The following JAKMIP1 variants were observed in gnomAD, a reference collection of about 807,000 sequenced individuals.
The protein encoded by JAKMIP1 is janus kinase and microtubule interacting protein 1, also known as janus kinase and microtubule-interacting protein 1.
In JAKMIP1, 33 loss-of-function variants were observed where a neutral mutation model predicts 113.0. The observed-to-expected ratio is 0.29, with a 90% CI of 0.22 to 0.39. The LOEUF is 0.39. Among genes scored for constraint, JAKMIP1 ranks in the 10% least tolerant of loss-of-function variants. The pLI, the probability that JAKMIP1 is intolerant of heterozygous loss-of-function variation, is 1.00. For missense variants in JAKMIP1, 813 were observed against 1,080.5 expected, an observed-to-expected ratio of 0.75 and a Z score of 3.47; for synonymous variants, 480 against 459.9, an observed-to-expected ratio of 1.04 and a Z score of -0.56.
chr4:6,108,800 G>A lies in JAKMIP1; in HGVS notation c.130-2833C>T, dbSNP rs1714391069. Among the ~76,000 whole-genome samples, 1 of 152,232 alleles carries A rather than the reference G, an allele frequency of 6.6e-6. No individual in the cohort carries two copies. Among genetic ancestry groups the A allele is most frequent in the Non-Finnish European group, 1.5e-5 (1 of 68,044 alleles). ...GGAGTAAGAGGTTACAGACAAGCAA[G>A]AGGAGGCTGAAGGGAGCCATGCGGC... is the stretch of plus-strand genomic sequence containing the variant. On this transcript the variant is annotated intron_variant, in intron 2 of 20. Coordinates refer to ENST00000409021, the MANE Select transcript of JAKMIP1 (RefSeq NM_001099433.2). This position sits in a 1 kb window ranked among gnomAD's most constrained non-coding sequence, Gnocchi z 5.6.
At chr4:6,047,361 T>C (rs1446957572) in intron 16 of JAKMIP1, among the ~76,000 whole-genome samples, 2 of 152,256 alleles carry the variant, frequency 1.3e-5, no homozygotes, top group African/African-American at 2.4e-5. Flanking sequence ...TTTGTGTGAC[T>C]ACACGGAGCA....
Position 6,030,236 on chromosome 4 carries a change from G to A in JAKMIP1, c.2380-455C>T, listed in dbSNP as rs548971562. On this transcript the variant is annotated intron_variant, in intron 19 of 20. Transcript: ENST00000409021. ...CTAAGATTTGTTTAACTGCAGCCTG[G>A]GGGATGGGGGGAGGGAGGGAGAAGG... is the stretch of plus-strand genomic sequence containing the variant. Among the ~76,000 whole-genome samples the A allele has an allele frequency of 1.8e-4, 27 of 152,206 alleles. 1 individual carries two copies. The highest frequency in any genetic ancestry group is 8.3e-4 in the South Asian group (4 of 4,812).
chr4:6,190,492 G>A (rs956246375), intron 1 of JAKMIP1, among the ~76,000 whole-genome samples: 1 of 152,096 alleles, frequency 6.6e-6, no homozygotes, highest in African/African-American at 2.4e-5. Flanking sequence ...GGCTGAACCC[G>A]CCACTGCCAT....
rs536570748 is a variant in JAKMIP1, at chr4:6,200,146, C to T, written c.-148+107G>A. ...GGAGATGGACGATGGGGCGGGGCGG[C>T]ACCGGTCGCCGCGTCCCTTGCCGCC... On this transcript the variant is annotated intron_variant, in intron 1 of 20. Transcript: ENST00000409021. The surrounding 1 kb of genome is among the most constrained non-coding windows in gnomAD (Gnocchi z 7.0). 6.6e-6 allele frequency: 1 copy of T among 151,654 alleles called. No homozygotes were observed. The highest frequency in any genetic ancestry group is 2.1e-4 in the South Asian group (1 of 4,814). 9.4% of individuals were successfully genotyped at this position (151,654 alleles called of 1,614,324 possible). A position where few individuals can be genotyped will look rare whatever the true frequency, so the allele number is the denominator to read the frequency against.
rs12646356 is a variant in JAKMIP1 at position 6,086,358 on chromosome 4, T to C, written c.625-729A>G. 0.29 allele frequency among the ~76,000 whole-genome samples: 44,134 copies of C among 151,542 alleles called. 7,050 individuals carry two copies. The highest frequency in any genetic ancestry group is 0.45 in the East Asian group (2,279 of 5,076). On this transcript the variant is annotated intron_variant, in intron 3 of 20. Coordinates refer to ENST00000409021, the MANE Select transcript of JAKMIP1 (RefSeq NM_001099433.2). This position sits in a 1 kb window ranked among gnomAD's most constrained non-coding sequence, Gnocchi z 4.1. ...ACATATGCAGCAGATCTTAAACACATGCCTCAGCCCTGGCTTCTCTCTGAG... is the reference window on the plus strand; with the variant it reads ...ACATATGCAGCAGATCTTAAACACACGCCTCAGCCCTGGCTTCTCTCTGAG...
chr4:6,106,760 T>G lies in JAKMIP1; in HGVS notation c.130-793A>C, dbSNP rs1371409009. ...TGTTCTTAAAACACTTCAAAATGCT[T>G]TCTTTAACCTTTTTGTTTCAAATAT... On this transcript the variant is annotated intron_variant, in intron 2 of 20. Transcript: ENST00000409021. The surrounding 1 kb of genome is among the most constrained non-coding windows in gnomAD (Gnocchi z 5.9). Among the ~76,000 whole-genome samples the G allele has an allele frequency of 6.6e-6, 1 of 152,134 alleles. No individual in the cohort carries two copies. The highest frequency in any genetic ancestry group is 1.9e-4 in the East Asian group (1 of 5,190).
chr4:6,051,685 A>G lies in JAKMIP1; in HGVS notation c.1807-1006T>C, dbSNP rs1268351149. On this transcript the variant is annotated intron_variant, in intron 13 of 20. Coordinates refer to ENST00000409021, the MANE Select transcript of JAKMIP1 (RefSeq NM_001099433.2). This position sits in a 1 kb window ranked among gnomAD's most constrained non-coding sequence, Gnocchi z 5.0. ...TCAATTAATTACTAAGGGAGGAAGA[A>G]GAGCAAGCCTTTTCCCAGAAGAGGT... Among the ~76,000 whole-genome samples, 3 of 152,248 alleles carry G rather than the reference A, an allele frequency of 2.0e-5. No individual in the cohort carries two copies. Among genetic ancestry groups the G allele is most frequent in the Non-Finnish European group, 4.4e-5 (3 of 68,046 alleles).
At chr4:6,068,066 C>T (rs1406041333) in intron 8 of JAKMIP1, among the ~76,000 whole-genome samples, 7 of 152,316 alleles carry the variant, frequency 4.6e-5, no homozygotes, top group South Asian at 2.1e-4. Context: ...CTGGGGGCAA[C>T]GACTCAATGC....
Position 6,101,749 on chromosome 4 carries a change from A to T in JAKMIP1, c.624+3724T>A, listed in dbSNP as rs1239981798. 2.0e-5 allele frequency among the ~76,000 whole-genome samples: 3 copies of T among 149,706 alleles called. No homozygotes were observed. In the East Asian group the frequency reaches 5.8e-4, roughly 29 times the overall value. ...TAAAAATACAAAAAAAAAAAAAAAA[A>T]AAAAAAATTAGCCGGGCATGGTGGC... On this transcript the variant is annotated intron_variant, in intron 3 of 20. Transcript: ENST00000409021.
rs1243965366 is a variant in JAKMIP1 at position 6,138,425 on chromosome 4, T to C, written c.-147-25428A>G. 6.6e-6 allele frequency among the ~76,000 whole-genome samples: 1 copy of C among 151,946 alleles called. No individual in the cohort carries two copies. The highest frequency in any genetic ancestry group is 1.5e-5 in the Non-Finnish European group (1 of 67,988). On this transcript the variant is annotated intron_variant, in intron 1 of 20. Coordinates refer to ENST00000409021, the MANE Select transcript of JAKMIP1 (RefSeq NM_001099433.2). The surrounding 1 kb of genome is among the most constrained non-coding windows in gnomAD (Gnocchi z 6.0). Reference sequence around the variant, plus strand: ...CTCATTTTTGTATTTTTAGTAGAGATGGGGTTTCGCCATGTTGACCAGGCT... The same window carrying C: ...CTCATTTTTGTATTTTTAGTAGAGACGGGGTTTCGCCATGTTGACCAGGCT...
chr4:6,134,656 C>T (rs1718977174), intron 1 of JAKMIP1, among the ~76,000 whole-genome samples: 1 of 152,228 alleles, frequency 6.6e-6, no homozygotes, highest in Non-Finnish European at 1.5e-5. Flanking sequence ...CCATGACAGC[C>T]AGGCCTGTTG....
intron 2 of JAKMIP1, among the ~76,000 whole-genome samples, chr4:6,109,029 T>C (rs1365948976): frequency 1.3e-5 from 2 of 151,980 alleles, no homozygotes; most frequent in East Asian, 3.9e-4. Context: ...TCTTTGTTTC[T>C]AATGCCATTC....
chr4:6,169,622 T>C (rs1032507055), intron 1 of JAKMIP1, among the ~76,000 whole-genome samples: 22 of 151,732 alleles, frequency 1.4e-4, no homozygotes, highest in Non-Finnish European at 2.7e-4. Context: ...TGTGTGTGTG[T>C]GTGTGTGTGT....
In JAKMIP1 at chr4:6,167,668, T is replaced by C. The variant is rs2109013818; in HGVS notation, c.-148+32585A>G. Among the ~76,000 whole-genome samples, 1 of 152,318 alleles carries C rather than the reference T, an allele frequency of 6.6e-6. No homozygotes were observed. Among genetic ancestry groups the C allele is most frequent in the African/African-American group, 2.4e-5 (1 of 41,572 alleles). On this transcript the variant is annotated intron_variant, in intron 1 of 20. Transcript: ENST00000409021. The surrounding 1 kb of genome is among the most constrained non-coding windows in gnomAD (Gnocchi z 5.3). ...CCACAGACTTCCATGGGCCGGGCACTGAGCTTAGAGTGACACGTGTCAGCT... is the reference window on the plus strand; with the variant it reads ...CCACAGACTTCCATGGGCCGGGCACCGAGCTTAGAGTGACACGTGTCAGCT...
chr4:6,053,876 A>G, intron 13 of JAKMIP1, 174 bp downstream of exon 13: 1 of 1,508,264 alleles, frequency 6.6e-7, no homozygotes, highest in Non-Finnish European at 8.8e-7. Context: ...AAGGCAGTGA[A>G]ATTATTCTGA....
At position 6,042,203 on chromosome 4, in the gene JAKMIP1, C is replaced by T. The variant is rs1452430143; in HGVS notation, c.2053G>A (p.Glu685Lys). 6.2e-6 allele frequency: 10 copies of T among 1,613,882 alleles called. No individual in the cohort carries two copies. Among genetic ancestry groups the T allele is most frequent in the Admixed American group, 1.7e-5 (1 of 60,012 alleles). Residue 685 changes from glutamate to lysine, a missense_variant, in exon 17 of 21, where the codon GAG becomes AAG. By Grantham distance (56) the Glu-to-Lys change is moderately conservative (BLOSUM62 1). Coordinates refer to ENST00000409021, the MANE Select transcript of JAKMIP1 (RefSeq NM_001099433.2). This position sits in a 1 kb window ranked among gnomAD's most constrained non-coding sequence, Gnocchi z 5.2. ...AGCATCTTCTGGGTCAGGGCGGCCT[C>T]GGTCCCCTCTATTTGCTTCAGCCAC... ...EKWLKQIEGTEAALTQKMLDL... is the reference protein window; with the variant it reads ...EKWLKQIEGTKAALTQKMLDL...
chr4:6,074,418 A>G (rs1453096224), intron 8 of JAKMIP1, among the ~76,000 whole-genome samples: 2 of 152,226 alleles, frequency 1.3e-5, no homozygotes, highest in Non-Finnish European at 2.9e-5. Context: ...GGAACTTTCA[A>G]TGCATTCACC....
In JAKMIP1 at chr4:6,081,869, T is replaced by C. The variant is rs1720607847; in HGVS notation, c.955-114A>G. ...GTTAGGACCCCTTCTGAGGCCAGTGTCCTGGATGACACATTTGTTTGCTAG... is the reference window on the plus strand; with the variant it reads ...GTTAGGACCCCTTCTGAGGCCAGTGCCCTGGATGACACATTTGTTTGCTAG... On this transcript the variant is annotated intron_variant, in intron 5 of 20. Transcript: ENST00000409021. The surrounding 1 kb of genome is among the most constrained non-coding windows in gnomAD (Gnocchi z 4.6). 8.5e-7 allele frequency: 1 copy of C among 1,180,130 alleles called. No homozygotes were observed. The highest frequency in any genetic ancestry group is 1.5e-5 in the South Asian group (1 of 67,386). 73.1% of individuals were successfully genotyped at this position (1,180,130 alleles called of 1,614,324 possible). A position where few individuals can be genotyped will look rare whatever the true frequency, so the allele number is the denominator to read the frequency against.
In JAKMIP1 at chr4:6,183,478, C is replaced by CAATAAATAAATAAATA. The variant is rs1475589913; in HGVS notation, c.-148+16759_-148+16774dup. Among the ~76,000 whole-genome samples, 44,597 of 126,340 alleles carry CAATAAATAAATAAATA rather than the reference C, an allele frequency of 0.35. 8,540 individuals carry two copies. The highest frequency in any genetic ancestry group is 0.4 in the Admixed American group (4,964 of 12,304). The allele number at this position is 126,340 out of a possible 152,430, so 82.9% of individuals were successfully genotyped here. ...TGGGTGACAGAGCAAGACTCTGTCTCAATAAATAAATAAATAAATAAATAA... is the reference window on the plus strand; with the variant it reads ...TGGGTGACAGAGCAAGACTCTGTCTCAATAAATAAATAAATAAATAAATAAATAAATAAATAAATAA... On this transcript the variant is annotated intron_variant, in intron 1 of 20. Transcript: ENST00000409021. This position sits in a 1 kb window ranked among gnomAD's most constrained non-coding sequence, Gnocchi z 5.3.
Sources: gnomAD v4.1 joint callset for allele counts (sites outside exome capture counted in the v4.1 genomes callset) on GRCh38, gnomAD v4.1.1 for gene constraint, Gnocchi (gnomAD v3.1) non-coding constraint, MANE v1.5 for transcripts, NCBI Gene and HGNC (gene_info 2026-07-23, HGNC 2026-07-21) for gene names.